Variants in PPFIBP1 observed in about 807,000 individuals in gnomAD.
PPFIBP1 encodes PPFIB scaffold protein 1, also known as liprin-beta-1.
Under a neutral mutation model 137.8 loss-of-function variants are expected in PPFIBP1, and 112 were observed. That is an observed-to-expected ratio of 0.81 (90% confidence interval 0.70 to 0.95). The LOEUF (loss-of-function observed/expected upper bound fraction) is 0.95, where lower values mean the gene tolerates loss of function less well. Ranked by LOEUF, PPFIBP1 falls within the 40% of genes least tolerant of loss-of-function variation. The pLI is 0.00. For synonymous variants in PPFIBP1, 378 were observed against 417.3 expected (o/e 0.91, Z 1.15); for missense variants, 1,083 against 1,196.6 (o/e 0.91, Z 1.40).
intron 2 of PPFIBP1, among the ~76,000 whole-genome samples, chr12:27,631,670 A>T (rs1238823139): frequency 6.6e-6 from 1 of 152,232 alleles, no homozygotes; most frequent in East Asian, 1.9e-4. Flanking sequence ...AGATTGTCTC[A>T]TACCTTCATA....
Position 27,691,839 on chromosome 12 carries a change from C to G in PPFIBP1, c.2776C>G (p.Gln926Glu), listed in dbSNP as rs1443340298. Residue 926 changes from glutamine (Q) to glutamate (E), a missense_variant, in exon 28 of 30, where the codon CAG becomes GAG. Coordinates refer to ENST00000228425, the MANE Select transcript of PPFIBP1 (RefSeq NM_003622.4). The part of the protein sequence containing the change: ...EEYVCPMELG[Q>E]ASGSASKKGF... Reference sequence around the variant, plus strand: ...ATATGTTTGTCCAATGGAATTGGGACAGGCATCAGGAAGTGCATCTAAGAA... The same window carrying G: ...ATATGTTTGTCCAATGGAATTGGGAGAGGCATCAGGAAGTGCATCTAAGAA... 1.9e-6 allele frequency: 3 copies of G among 1,613,672 alleles called. No individual in the cohort carries two copies. Among genetic ancestry groups the G allele is most frequent in the South Asian group, 1.1e-5 (1 of 91,054 alleles).
At chr12:27,536,413 A>G (rs1294156308) in intron 1 of PPFIBP1, among the ~76,000 whole-genome samples, 1 of 152,172 alleles carries the variant, frequency 6.6e-6, no homozygotes, top group Non-Finnish European at 1.5e-5. Flanking sequence ...CGAGGCCCCC[A>G]GGAAGCTTCC....
At chr12:27,588,097 T>A (rs1329497033) in intron 2 of PPFIBP1, among the ~76,000 whole-genome samples, 1 of 152,244 alleles carries the variant, frequency 6.6e-6, no homozygotes, top group Admixed American at 6.5e-5. Context: ...GTTGGTGTCC[T>A]CATAATTAGA....
intron 1 of PPFIBP1, among the ~76,000 whole-genome samples, chr12:27,556,915 G>C (rs1443158041): frequency 6.7e-6 from 1 of 150,100 alleles, no homozygotes; most frequent in African/African-American, 2.5e-5. Flanking sequence ...GGAGAGAGGG[G>C]GATTAAGCTT....
chr12:27,653,586 TAAAAAAAAAAAAA>T (rs11306083), intron 7 of PPFIBP1, among the ~76,000 whole-genome samples: 25,253 of 107,926 alleles, frequency 0.23, 2,715 homozygotes, highest in Non-Finnish European at 0.29. Context: ...GACTCCATCT[TAAAAAAAAAAAAA>T]AAAAAAAAAG....
chr12:27,692,058 C>T, intron 28 of PPFIBP1, 130 bp downstream of exon 28: 1 of 757,418 alleles, frequency 1.3e-6, no homozygotes, highest in Non-Finnish European at 2.1e-6. Context: ...TAATAGTGAA[C>T]ACTTAGAGAT....
chr12:27,646,129 A>C lies in PPFIBP1; in HGVS notation c.338A>C (p.Lys113Thr), dbSNP rs147402814. 61 of 1,608,680 alleles carry C rather than the reference A, an allele frequency of 3.8e-5. No homozygotes were observed. The highest frequency in any genetic ancestry group is 4.9e-5 in the Non-Finnish European group (58 of 1,175,380). ...AGGCTGGCACGTTTAGAAAATGATA[A>C]AGAATCCCTCGTTCTTCAGGCAAGT... ...QERLARLEND[K>T]ESLVLQVSVL... The change falls in exon 5 of 30, where the codon AAA (lysine) becomes ACA (threonine). Residue 113 changes from lysine to threonine, a missense_variant. Physicochemically the swap from Lys to Thr is moderately conservative, Grantham distance 78. Transcript: ENST00000228425.
At chr12:27,573,484 G>A (rs1271232133) in intron 1 of PPFIBP1, among the ~76,000 whole-genome samples, 2 of 152,174 alleles carry the variant, frequency 1.3e-5, no homozygotes, top group Non-Finnish European at 2.9e-5. Flanking sequence ...GGTACAGAAT[G>A]AGTATGGCCT....
chr12:27,540,345 G>T (rs1358906902), intron 1 of PPFIBP1, among the ~76,000 whole-genome samples: 1 of 151,630 alleles, frequency 6.6e-6, no homozygotes, highest in Non-Finnish European at 1.5e-5. Flanking sequence ...GGCGTAGTTA[G>T]CTGGTACCCC....
chr12:27,664,526 T>G, intron 12 of PPFIBP1, 80 bp downstream of exon 12: 1 of 952,572 alleles, frequency 1.0e-6, no homozygotes, highest in Non-Finnish European at 1.7e-6. Flanking sequence ...CTCAATTTCT[T>G]TCCTGGATCA....
chr12:27,646,354 C>CCTCAG, intron 5 of PPFIBP1: 1 of 600,792 alleles, frequency 1.7e-6, no homozygotes, highest in Middle Eastern at 2.6e-4. Flanking sequence ...CATTAATCAT[C>CCTCAG]CTCAGCTCTT....
At chr12:27,531,636 C>T (rs1944443888) in intron 1 of PPFIBP1, among the ~76,000 whole-genome samples, 1 of 151,978 alleles carries the variant, frequency 6.6e-6, no homozygotes, top group Non-Finnish European at 1.5e-5. Context: ...ATGGCATATT[C>T]AGCACATGGA....
intron 9 of PPFIBP1, chr12:27,657,099 A>G (rs2139808050): frequency 6.1e-6 from 1 of 164,690 alleles, no homozygotes; most frequent in South Asian, 1.7e-4. Flanking sequence ...AATTAGATAA[A>G]GTAAGGGACT....
intron 19 of PPFIBP1, chr12:27,677,728 A>G (rs1593321852): frequency 1.3e-5 from 2 of 152,368 alleles, no homozygotes; most frequent in Middle Eastern, 6.8e-3. Context: ...AATGGGGAAA[A>G]AAGTTCTCAA....
intron 13 of PPFIBP1, among the ~76,000 whole-genome samples, chr12:27,668,249 T>C (rs1180112690): frequency 6.6e-6 from 1 of 152,160 alleles, no homozygotes; most frequent in South Asian, 2.1e-4. Context: ...GCTCCTCAGG[T>C]ACAGTTCCTT....
At chr12:27,596,071 TACACACACACACAC>T (rs376577510) in intron 2 of PPFIBP1, among the ~76,000 whole-genome samples, 1 of 130,706 alleles carries the variant, frequency 7.7e-6, no homozygotes, top group African/African-American at 2.9e-5. Flanking sequence ...TGGGTATAAA[TACACACACACACAC>T]ACACACACAC....
chr12:27,607,006 A>G (rs1007057100), intron 2 of PPFIBP1, among the ~76,000 whole-genome samples: 3 of 152,222 alleles, frequency 2.0e-5, no homozygotes, highest in Admixed American at 2.0e-4. Context: ...TTTCTGGTTT[A>G]TTAAGCAAAG....
intron 1 of PPFIBP1, among the ~76,000 whole-genome samples, chr12:27,540,855 A>G (rs1294414789): frequency 6.6e-6 from 1 of 152,186 alleles, no homozygotes; most frequent in African/African-American, 2.4e-5. Flanking sequence ...TTCTCTGCCC[A>G]TTTATTGGGA....
intron 4 of PPFIBP1, among the ~76,000 whole-genome samples, chr12:27,644,553 T>C (rs1249282365): frequency 6.6e-6 from 1 of 152,152 alleles, no homozygotes; most frequent in Non-Finnish European, 1.5e-5. Context: ...TTTCTTAAGA[T>C]TGAGAACATG....
Sources: gnomAD v4.1 joint callset for allele counts (sites outside exome capture counted in the v4.1 genomes callset) on GRCh38, gnomAD v4.1.1 for gene constraint, MANE v1.5 for transcripts, NCBI Gene and HGNC (gene_info 2026-07-23, HGNC 2026-07-21) for gene names.